LRIG3: variants seen among roughly 807,000 people sequenced by gnomAD.
LRIG3 encodes leucine rich repeats and immunoglobulin like domains 3, also known as leucine-rich repeats and immunoglobulin-like domains protein 3.
In LRIG3, 76 loss-of-function variants were observed where a neutral mutation model predicts 114.5. That is an observed-to-expected ratio of 0.66 (90% CI 0.55 to 0.80). The LOEUF is 0.80. Ranked by LOEUF, LRIG3 falls within the 30% of genes least tolerant of loss-of-function variation. The pLI, the probability that LRIG3 is intolerant of heterozygous loss-of-function variation, is 0.00. For missense variants in LRIG3, 1,239 were observed against 1,382.8 expected, an observed-to-expected ratio of 0.90 and a Z score of 1.65; for synonymous variants, 512 against 519.8, an observed-to-expected ratio of 0.98 and a Z score of 0.20.
intron 10 of LRIG3, among the ~76,000 whole-genome samples, chr12:58,884,298 C>T (rs900725924): frequency 1.3e-5 from 2 of 152,166 alleles, no homozygotes; most frequent in African/African-American, 4.8e-5. Context: ...GACTTATAAG[C>T]ACTCTGCATT....
chr12:58,893,443 T>C (rs1290676027), intron 3 of LRIG3, among the ~76,000 whole-genome samples: 5 of 152,200 alleles, frequency 3.3e-5, no homozygotes, highest in African/African-American at 9.7e-5. Context: ...AAGTCACAAA[T>C]GAGTATCAAG....
At chr12:58,919,610 T>C in intron 1 of LRIG3, 1 of 1,507,912 alleles carries the variant, frequency 6.6e-7, no homozygotes, top group Non-Finnish European at 8.8e-7. Context: ...GACTCATAAC[T>C]CAGCGAGAAC....
At position 58,880,862 on chromosome 12, in the gene LRIG3, G is replaced by A; in HGVS notation, c.1520C>T (p.Thr507Ile). ...ATTGGAACCTTTTATTGCCGACTGT[G>A]TTTCTGGCTGAACCGTGATCTGGGG... ...PKPQITVQPE[T>I]QSAIKGSNLS... The change falls in exon 13 of 19, where the codon ACA (threonine) becomes ATA (isoleucine). Residue 507 changes from threonine (T) to isoleucine (I), a missense_variant. Thr to Ile is a moderately conservative substitution (Grantham distance 89, BLOSUM62 -1). Transcript: ENST00000320743. The A allele has an allele frequency of 6.2e-7, 1 of 1,613,908 alleles. No homozygotes were observed. The highest frequency in any genetic ancestry group is 1.1e-5 in the South Asian group (1 of 91,084).
chr12:58,892,506 T>C (rs1038267352), intron 3 of LRIG3, among the ~76,000 whole-genome samples: 1 of 152,206 alleles, frequency 6.6e-6, no homozygotes, highest in Non-Finnish European at 1.5e-5. Flanking sequence ...ACTATCACAG[T>C]AGGTTCCCAA....
intron 15 of LRIG3, 123 bp from the exon 16 acceptor site, chr12:58,876,726 T>A (rs1870931907): frequency 1.0e-6 from 1 of 952,604 alleles, no homozygotes; most frequent in Non-Finnish European, 1.6e-6. Context: ...AGATCTACTC[T>A]GGCAAAACCA....
chr12:58,910,961 CTGTAA>C, intron 3 of LRIG3, among the ~76,000 whole-genome samples: 1 of 152,146 alleles, frequency 6.6e-6, no homozygotes, highest in Admixed American at 6.5e-5. Flanking sequence ...TAGAGTTTTA[CTGTAA>C]GATATGTTCA....
At chr12:58,893,717 T>C (rs1004025960) in intron 3 of LRIG3, among the ~76,000 whole-genome samples, 1 of 152,178 alleles carries the variant, frequency 6.6e-6, no homozygotes, top group African/African-American at 2.4e-5. Context: ...ACAGAAGTTT[T>C]CTCTTAAATG....
intron 3 of LRIG3, among the ~76,000 whole-genome samples, chr12:58,912,481 G>C (rs1011155881): frequency 2.0e-5 from 3 of 151,918 alleles, no homozygotes; most frequent in African/African-American, 7.3e-5. Context: ...GGGCAACAGA[G>C]CAAGACTCTG....
chr12:58,902,299 T>C (rs2120951039), intron 3 of LRIG3, among the ~76,000 whole-genome samples: 1 of 152,318 alleles, frequency 6.6e-6, no homozygotes, highest in African/African-American at 2.4e-5. Flanking sequence ...CTCATTTTGA[T>C]TCTATATCAT....
chr12:58,886,380 TG>T (rs1314765688), intron 9 of LRIG3, among the ~76,000 whole-genome samples: 9 of 152,076 alleles, frequency 5.9e-5, no homozygotes, highest in Admixed American at 3.3e-4. Flanking sequence ...AATTATAAGA[TG>T]TTTTCATCCT....
chr12:58,897,956 T>A (rs998059651), intron 3 of LRIG3, among the ~76,000 whole-genome samples: 1 of 152,206 alleles, frequency 6.6e-6, no homozygotes, highest in Non-Finnish European at 1.5e-5. Context: ...GATTTATCTT[T>A]GGTTCCCCAG....
chr12:58,902,841 T>C (rs906106183), intron 3 of LRIG3, among the ~76,000 whole-genome samples: 2 of 151,892 alleles, frequency 1.3e-5, no homozygotes, highest in African/African-American at 2.4e-5. Flanking sequence ...ATCCTTGTGA[T>C]AGTTTACTGA....
chr12:58,894,837 T>C (rs1871584388), intron 3 of LRIG3, among the ~76,000 whole-genome samples: 1 of 152,228 alleles, frequency 6.6e-6, no homozygotes, highest in Admixed American at 6.5e-5. Context: ...AAATCCATCT[T>C]AGAGACTAGG....
intron 3 of LRIG3, among the ~76,000 whole-genome samples, chr12:58,905,547 T>G (rs978786841): frequency 2.0e-5 from 3 of 152,242 alleles, no homozygotes; most frequent in Non-Finnish European, 4.4e-5. Context: ...GGTTTTAACA[T>G]GTGTCCTCTC....
At chr12:58,887,740 T>C (rs1437840374) in intron 8 of LRIG3, 49 bp downstream of exon 8, 1 of 1,594,854 alleles carries the variant, frequency 6.3e-7, no homozygotes, top group East Asian at 2.2e-5. Flanking sequence ...AGTGGGCATA[T>C]TTAGGAACCA....
Position 58,920,388 on chromosome 12 carries a change from C to T in LRIG3, c.-153G>A. On this transcript the variant is annotated 5_prime_UTR_variant, in exon 1 of 19. Coordinates refer to ENST00000320743, the MANE Select transcript of LRIG3 (RefSeq NM_153377.5). ...CCCGGTCAATTCCTTCTTTTACTCC[C>T]GGCGGCGAAGCCCTTTCATGCCCCC... 3.9e-6 allele frequency: 2 copies of T among 511,218 alleles called. No individual in the cohort carries two copies. The highest frequency in any genetic ancestry group is 6.2e-6 in the Non-Finnish European group (2 of 320,462). 31.7% of individuals were successfully genotyped at this position (511,218 alleles called of 1,614,324 possible). A position where few individuals can be genotyped will look rare whatever the true frequency, so the allele number is the denominator to read the frequency against.
At chr12:58,886,985 A>T in intron 8 of LRIG3, 95 bp from the exon 9 acceptor site, 1 of 809,800 alleles carries the variant, frequency 1.2e-6, no homozygotes, top group Non-Finnish European at 2.0e-6. Context: ...AATTTCTCAT[A>T]ATTCCCCACA....
At chr12:58,882,117 T>C (rs1565615174) in intron 12 of LRIG3, among the ~76,000 whole-genome samples, 1 of 152,220 alleles carries the variant, frequency 6.6e-6, no homozygotes, top group Admixed American at 6.5e-5. Context: ...AATTTTTAAA[T>C]GCCAATGCAA....
At chr12:58,877,974 C>T in intron 14 of LRIG3, 122 bp from the exon 15 acceptor site, 1 of 952,916 alleles carries the variant, frequency 1.0e-6, no homozygotes, top group East Asian at 2.6e-5. Flanking sequence ...ACTTACTGGA[C>T]ACACTTTTCT....
Sources: gnomAD v4.1 joint callset for allele counts (sites outside exome capture counted in the v4.1 genomes callset) on GRCh38, gnomAD v4.1.1 for gene constraint, MANE v1.5 for transcripts, NCBI Gene and HGNC (gene_info 2026-07-23, HGNC 2026-07-21) for gene names.